The following ATXN7L1 variants were observed in gnomAD, a reference collection of about 807,000 sequenced individuals.
The protein encoded by ATXN7L1 is ataxin 7 like 1.
In ATXN7L1, 15 loss-of-function variants were observed where a neutral mutation model predicts 70.8. The ratio of observed to expected loss-of-function variants is 0.21; its 90% confidence interval spans 0.14 to 0.33. The LOEUF (loss-of-function observed/expected upper bound fraction) is 0.33, where lower values mean the gene tolerates loss of function less well. ATXN7L1 is among the 10% of genes least tolerant of loss of function. ATXN7L1 has a pLI of 1.00. For missense variants in ATXN7L1, 975 were observed against 1,097.1 expected, an observed-to-expected ratio of 0.89 and a Z score of 1.57; for synonymous variants, 440 against 445.1, an observed-to-expected ratio of 0.99 and a Z score of 0.14.
At chr7:105,645,810 CACAAACAA>C (rs58661590) in intron 4 of ATXN7L1, among the ~76,000 whole-genome samples, 52,257 of 143,072 alleles carry the variant, frequency 0.37, 9,691 homozygotes, top group Middle Eastern at 0.4. Context: ...GAGACGCCAC[CACAAACAA>C]ACAAACAAAC....
intron 3 of ATXN7L1, among the ~76,000 whole-genome samples, chr7:105,705,871 G>A (rs1413999892): frequency 2.6e-5 from 4 of 152,162 alleles, no homozygotes; most frequent in African/African-American, 7.2e-5. Context: ...TGGACCCACT[G>A]AGCACACCTC....
At chr7:105,765,992 G>C (rs1801199585) in intron 3 of ATXN7L1, among the ~76,000 whole-genome samples, 1 of 151,984 alleles carries the variant, frequency 6.6e-6, no homozygotes, top group Admixed American at 6.6e-5. Flanking sequence ...GCAGCTGTGG[G>C]GATGAAGAAT....
intron 1 of ATXN7L1, 50 bp downstream of exon 1, chr7:105,876,328 T>C: frequency 2.6e-6 from 4 of 1,515,912 alleles, no homozygotes; most frequent in Non-Finnish European, 3.5e-6. Flanking sequence ...TCTAGGTGAA[T>C]GGAAAGGTTA....
At chr7:105,733,458 T>C (rs1243952417) in intron 3 of ATXN7L1, among the ~76,000 whole-genome samples, 1 of 150,260 alleles carries the variant, frequency 6.7e-6, no homozygotes, top group Admixed American at 6.7e-5. Flanking sequence ...GTGAGTAAGA[T>C]CCACTTTTTG....
chr7:105,862,379 C>T (rs1816768023), intron 2 of ATXN7L1, among the ~76,000 whole-genome samples: 1 of 152,124 alleles, frequency 6.6e-6, no homozygotes, highest in African/African-American at 2.4e-5. Context: ...GTCAAGGCTG[C>T]AGTGAACTAT....
intron 7 of ATXN7L1, among the ~76,000 whole-genome samples, chr7:105,628,575 G>A (rs1025137954): frequency 6.6e-6 from 1 of 151,724 alleles, no homozygotes; most frequent in Non-Finnish European, 1.5e-5. Flanking sequence ...GGATCACGAG[G>A]TCAGGAGATC....
chr7:105,652,382 C>T (rs1799980600), intron 4 of ATXN7L1, among the ~76,000 whole-genome samples: 1 of 152,174 alleles, frequency 6.6e-6, no homozygotes, highest in African/African-American at 2.4e-5. Context: ...CCTGGGAGGG[C>T]AGGAATTGAG....
At chr7:105,722,544 G>A (rs1009297384) in intron 3 of ATXN7L1, among the ~76,000 whole-genome samples, 7 of 116,642 alleles carry the variant, frequency 6.0e-5, no homozygotes, top group Non-Finnish European at 8.3e-5. Context: ...CTGGGCAACA[G>A]AGTGAGACTC....
chr7:105,664,575 GTA>G (rs1554416470), intron 4 of ATXN7L1, among the ~76,000 whole-genome samples: 1 of 131,982 alleles, frequency 7.6e-6, no homozygotes, highest in Admixed American at 7.4e-5. Context: ...GTATGTGTGT[GTA>G]TATATATATA....
chr7:105,748,829 G>A (rs1277499550), intron 3 of ATXN7L1, among the ~76,000 whole-genome samples: 1 of 152,212 alleles, frequency 6.6e-6, no homozygotes, highest in Non-Finnish European at 1.5e-5. Context: ...AGATCGTCAG[G>A]TGGTCTCATG....
intron 3 of ATXN7L1, among the ~76,000 whole-genome samples, chr7:105,680,380 G>C (rs1057155347): frequency 6.6e-6 from 1 of 152,214 alleles, no homozygotes; most frequent in Non-Finnish European, 1.5e-5. Context: ...GGGAGAACAT[G>C]ACTGGACTTC....
At chr7:105,623,044 T>C (rs1013767637) in intron 8 of ATXN7L1, among the ~76,000 whole-genome samples, 1 of 152,164 alleles carries the variant, frequency 6.6e-6, no homozygotes, top group Non-Finnish European at 1.5e-5. Context: ...GAGTTGAATG[T>C]TCCACTTCTG....
At chr7:105,826,901 T>TA (rs986100058) in intron 2 of ATXN7L1, among the ~76,000 whole-genome samples, 22 of 152,136 alleles carry the variant, frequency 1.4e-4, no homozygotes, top group Middle Eastern at 3.2e-3. Context: ...ACAAGAGACT[T>TA]ACAAATATTT....
chr7:105,859,490 T>C (rs897363908), intron 2 of ATXN7L1, among the ~76,000 whole-genome samples: 2 of 152,162 alleles, frequency 1.3e-5, no homozygotes, highest in African/African-American at 4.8e-5. Flanking sequence ...CATAAGAGTA[T>C]ATAATACCAT....
At chr7:105,693,534 CCCATCCATCCATCCAT>C (rs36181010) in intron 3 of ATXN7L1, among the ~76,000 whole-genome samples, 6 of 139,572 alleles carry the variant, frequency 4.3e-5, no homozygotes, top group African/African-American at 1.1e-4. Flanking sequence ...AATCTAATGC[CCCATCCATCCATCCAT>C]CCATCCATCC....
At chr7:105,844,713 A>C (rs1026971750) in intron 2 of ATXN7L1, among the ~76,000 whole-genome samples, 2 of 152,250 alleles carry the variant, frequency 1.3e-5, no homozygotes. Flanking sequence ...TATTATACTG[A>C]ATATTCTAGC....
intron 2 of ATXN7L1, among the ~76,000 whole-genome samples, chr7:105,839,763 C>T (rs1240535271): frequency 6.6e-6 from 1 of 152,174 alleles, no homozygotes; most frequent in African/African-American, 2.4e-5. Flanking sequence ...TACTGAGCAC[C>T]TACTATGTGC....
chr7:105,612,220 T>C (rs1168814707), intron 10 of ATXN7L1, among the ~76,000 whole-genome samples: 1 of 152,252 alleles, frequency 6.6e-6, no homozygotes, highest in Non-Finnish European at 1.5e-5. Context: ...CTTCGCTGTG[T>C]GATTTTGGGT....
At chr7:105,697,037 C>A (rs991199377) in intron 3 of ATXN7L1, among the ~76,000 whole-genome samples, 1 of 152,168 alleles carries the variant, frequency 6.6e-6, no homozygotes, top group Non-Finnish European at 1.5e-5. Flanking sequence ...TGACAGACAT[C>A]AAGTACTTAA....
Sources: allele counts gnomAD v4.1 joint callset (sites outside exome capture counted in the v4.1 genomes callset), GRCh38; gene constraint gnomAD v4.1.1; transcripts MANE v1.5; gene names NCBI Gene and HGNC (gene_info 2026-07-23, HGNC 2026-07-21).